The following UGT1A9 variants were observed in gnomAD, a reference collection of about 807,000 sequenced individuals.
UGT1A9 encodes UDP-glucuronosyltransferase 1A9.
UGT1A9 carries 35 observed loss-of-function variants against 45.0 expected under a neutral mutation model. The ratio of observed to expected loss-of-function variants is 0.78; its 90% CI spans 0.59 to 1.03. The LOEUF (loss-of-function observed/expected upper bound fraction) is 1.03. UGT1A9 is among the 50% of genes least tolerant of loss of function. UGT1A9 has a pLI of 0.00. For synonymous variants in UGT1A9, 278 were observed against 250.6 expected, an observed-to-expected ratio of 1.11 and a Z score of -1.03; for missense variants, 687 against 666.6, an observed-to-expected ratio of 1.03 and a Z score of -0.34.
chr2:233,680,876 A>G (rs1283845795), intron 1 of UGT1A9, among the ~76,000 whole-genome samples: 1 of 152,048 alleles, frequency 6.6e-6, no homozygotes, highest in Non-Finnish European at 1.5e-5. Flanking sequence ...TTGGGCAAGC[A>G]TAGGGACGGC....
intron 1 of UGT1A9, among the ~76,000 whole-genome samples, chr2:233,702,368 CGTAGGATTTT>C (rs1383754925): frequency 6.6e-6 from 1 of 151,930 alleles, no homozygotes; most frequent in African/African-American, 2.4e-5. Context: ...TAGTGGATTT[CGTAGGATTTT>C]CTACATTCCA....
intron 1 of UGT1A9, among the ~76,000 whole-genome samples, chr2:233,725,072 A>T (rs1214982846): frequency 6.9e-6 from 1 of 144,958 alleles, no homozygotes; most frequent in African/African-American, 2.6e-5. Flanking sequence ...CTGCAATCGC[A>T]GGCACTCGGC....
intron 1 of UGT1A9, among the ~76,000 whole-genome samples, chr2:233,761,510 A>C (rs1161669580): frequency 6.6e-6 from 1 of 152,248 alleles, no homozygotes. Flanking sequence ...TCAGTCAGGC[A>C]GGCAATGTTC....
At chr2:233,765,532 C>T (rs769087620) in intron 1 of UGT1A9, among the ~76,000 whole-genome samples, 15 of 152,064 alleles carry the variant, frequency 9.9e-5, no homozygotes, top group Non-Finnish European at 2.1e-4. Context: ...CGCATGTTCT[C>T]ACTCATAAGT....
chr2:233,736,909 G>T (rs1037857066), intron 1 of UGT1A9, among the ~76,000 whole-genome samples: 5 of 152,172 alleles, frequency 3.3e-5, no homozygotes, highest in Non-Finnish European at 1.5e-5. Flanking sequence ...TCCTCTGGAA[G>T]CTTCATACCA....
intron 1 of UGT1A9, among the ~76,000 whole-genome samples, chr2:233,678,633 C>T (rs1353843462): frequency 6.6e-6 from 1 of 152,162 alleles, no homozygotes; most frequent in Non-Finnish European, 1.5e-5. Flanking sequence ...AAGTCAATAG[C>T]AGTCTTAAAT....
intron 1 of UGT1A9, among the ~76,000 whole-genome samples, chr2:233,720,765 G>A (rs924654147): frequency 1.3e-5 from 2 of 151,260 alleles, no homozygotes; most frequent in African/African-American, 4.9e-5. Context: ...GAGGGCAGTG[G>A]CCGGATCTCC....
intron 1 of UGT1A9, among the ~76,000 whole-genome samples, chr2:233,727,901 A>G (rs2077664960): frequency 6.6e-6 from 1 of 152,194 alleles, no homozygotes; most frequent in Non-Finnish European, 1.5e-5. Context: ...CGGCCAGGCA[A>G]GAAGACACAG....
At chr2:233,750,201 G>A (rs967986418) in intron 1 of UGT1A9, among the ~76,000 whole-genome samples, 17 of 151,984 alleles carry the variant, frequency 1.1e-4, no homozygotes, top group African/African-American at 3.6e-4. Flanking sequence ...ATGAAGTCCA[G>A]GCTGAGTCTC....
intron 1 of UGT1A9, among the ~76,000 whole-genome samples, chr2:233,762,537 C>T (rs1182921904): frequency 4.6e-5 from 7 of 152,180 alleles, no homozygotes; most frequent in African/African-American, 1.7e-4. Flanking sequence ...ACTTGTGTAC[C>T]ACAGTGTATT....
chr2:233,704,256 CTTT>C (rs59925871), intron 1 of UGT1A9, among the ~76,000 whole-genome samples: 4 of 123,652 alleles, frequency 3.2e-5, no homozygotes, highest in Non-Finnish European at 4.9e-5. Flanking sequence ...GCCTTTATTG[CTTT>C]TTTTTTTTTT....
rs1369238146 is a variant in UGT1A9, at chr2:233,713,189, T to C, written c.855+40400T>C. 3 of 1,614,214 alleles carry C rather than the reference T, an allele frequency of 1.9e-6. No individual in the cohort carries two copies. The East Asian group carries it at 6.7e-5, about 36-fold the overall frequency. On this transcript the variant is annotated intron_variant, in intron 1 of 4. Coordinates refer to ENST00000354728, the MANE Select transcript of UGT1A9 (RefSeq NM_021027.3). ...TGGTGGTCCTCACCCTGGAGGTGAA[T>C]ATGTACATCAAAGAAGAGAACTTTT...
chr2:233,677,727 T>A (rs2074397652), intron 1 of UGT1A9, among the ~76,000 whole-genome samples: 1 of 152,110 alleles, frequency 6.6e-6, no homozygotes, highest in Non-Finnish European at 1.5e-5. Flanking sequence ...ACCCTCTTGG[T>A]GGGAATGCAA....
Position 233,769,464 on chromosome 2 carries a change from C to T in UGT1A9, c.1295+1025C>T, listed in dbSNP as rs557481865. The T allele has an allele frequency of 3.3e-5, 50 of 1,503,294 alleles. No individual in the cohort carries two copies. The highest frequency in any genetic ancestry group is 4.1e-5 in the African/African-American group (3 of 72,468). 93.1% of individuals were successfully genotyped at this position (1,503,294 alleles called of 1,614,324 possible). A position where few individuals can be genotyped will look rare whatever the true frequency, so the allele number is the denominator to read the frequency against. ...GGGTGCACACGTGTGCATTCATATG[C>T]GTGTGTGTGTGTGTGCGTGTGTTTA... On this transcript the variant is annotated intron_variant, in intron 4 of 4. Coordinates refer to ENST00000354728, the MANE Select transcript of UGT1A9 (RefSeq NM_021027.3). This position sits in a 1 kb window ranked among gnomAD's most constrained non-coding sequence, Gnocchi z 4.4.
At chr2:233,736,066 G>C (rs879273661) in intron 1 of UGT1A9, among the ~76,000 whole-genome samples, 5 of 152,156 alleles carry the variant, frequency 3.3e-5, no homozygotes, top group Non-Finnish European at 7.3e-5. Flanking sequence ...TGCCTTGCTA[G>C]GTTTGGGAAG....
At chr2:233,717,640 C>T (rs1343576181) in intron 1 of UGT1A9, among the ~76,000 whole-genome samples, 19 of 152,200 alleles carry the variant, frequency 1.2e-4, no homozygotes, top group South Asian at 2.1e-4. Flanking sequence ...CATCCTGGGG[C>T]GACCAGGACA....
rs78082792 is a variant in UGT1A9, at chr2:233,692,722, A to G, written c.855+19933A>G. On this transcript the variant is annotated intron_variant, in intron 1 of 4. Transcript: ENST00000354728. Reference sequence around the variant, plus strand: ...TCCAAGTCATCTTCAAAGTGTTGCTATAACTTTTCAGAGAGGGAGAAGCAG... The same window carrying G: ...TCCAAGTCATCTTCAAAGTGTTGCTGTAACTTTTCAGAGAGGGAGAAGCAG... The G allele has an allele frequency of 1.9e-4, 158 of 845,282 alleles. No homozygotes were observed. The East Asian group carries it at 6.8e-3, about 36-fold the overall frequency. 52.4% of individuals were successfully genotyped at this position (845,282 alleles called of 1,614,324 possible).
chr2:233,747,271 C>T (rs1693606157), intron 1 of UGT1A9: 4 of 1,598,912 alleles, frequency 2.5e-6, no homozygotes, highest in Non-Finnish European at 8.5e-7. Flanking sequence ...GCTACTCCTT[C>T]TCAGTGCCCA....
intron 1 of UGT1A9, among the ~76,000 whole-genome samples, chr2:233,710,168 A>G (rs2076115699): frequency 6.6e-6 from 1 of 152,116 alleles, no homozygotes; most frequent in South Asian, 2.1e-4. Context: ...TTATGCATTT[A>G]TTTATTGATG....
Sources: allele counts gnomAD v4.1 joint callset (sites outside exome capture counted in the v4.1 genomes callset), GRCh38; gene constraint gnomAD v4.1.1; non-coding constraint Gnocchi (gnomAD v3.1); transcripts MANE v1.5; gene names NCBI Gene and HGNC (gene_info 2026-07-23, HGNC 2026-07-21).